The following DOCK2 variants were observed in gnomAD, a reference collection of about 807,000 sequenced individuals.
DOCK2 encodes dedicator of cytokinesis 2.
In DOCK2, 87 loss-of-function variants were observed where a neutral mutation model predicts 248.9. The ratio of observed to expected loss-of-function variants is 0.35; its 90% CI spans 0.29 to 0.42. DOCK2 has a LOEUF of 0.42. DOCK2 is among the 10% of genes least tolerant of loss of function. The pLI is 1.00. For synonymous variants in DOCK2, 805 were observed against 821.6 expected, an observed-to-expected ratio of 0.98 and a Z score of 0.35; for missense variants, 1,747 against 2,300.2, an observed-to-expected ratio of 0.76 and a Z score of 4.92.
intron 44 of DOCK2, among the ~76,000 whole-genome samples, chr5:170,064,603 A>T (rs79966850): frequency 0.011 from 1,634 of 152,246 alleles, 27 homozygotes; most frequent in African/African-American, 0.036. Flanking sequence ...GACTGGTATA[A>T]GAGAATTATG....
intron 25 of DOCK2, among the ~76,000 whole-genome samples, chr5:169,779,065 A>G (rs1332553455): frequency 2.6e-5 from 4 of 152,216 alleles, no homozygotes; most frequent in African/African-American, 9.6e-5. Context: ...GGAACTGTGT[A>G]CTTTTGACTC....
intron 25 of DOCK2, among the ~76,000 whole-genome samples, chr5:169,799,083 G>A (rs1766819789): frequency 6.6e-6 from 1 of 152,160 alleles, no homozygotes; most frequent in Non-Finnish European, 1.5e-5. Context: ...GGGACAACCT[G>A]CGCACTCTTA....
chr5:169,808,788 G>A (rs1391683992), intron 26 of DOCK2, among the ~76,000 whole-genome samples: 1 of 152,090 alleles, frequency 6.6e-6, no homozygotes, highest in East Asian at 1.9e-4. Context: ...AAGGAGAGTC[G>A]TTGTTTGCTA....
intron 27 of DOCK2, among the ~76,000 whole-genome samples, chr5:169,968,457 A>G (rs1777379638): frequency 6.6e-6 from 1 of 152,218 alleles, no homozygotes; most frequent in Non-Finnish European, 1.5e-5. Context: ...CAGTGGGGAC[A>G]GACACATGAG....
intron 22 of DOCK2, among the ~76,000 whole-genome samples, chr5:169,723,242 G>T (rs573513456): frequency 3.9e-5 from 6 of 152,266 alleles, no homozygotes; most frequent in Admixed American, 2.6e-4. Flanking sequence ...ATGAGAAACT[G>T]CCAGCTCAGA....
chr5:169,990,641 G>T lies in DOCK2; in HGVS notation c.2993+4719G>T, dbSNP rs146210942. 2.4e-3 allele frequency among the ~76,000 whole-genome samples: 364 copies of T among 152,304 alleles called. 2 individuals are homozygous for T. Among genetic ancestry groups the T allele is most frequent in the African/African-American group, 8.6e-3 (356 of 41,570 alleles). ...AAAGGAGGCACTGAAATGCTCTGTG[G>T]GAGAATAGGTATCCCAGCGGCTCAA... On this transcript the variant is annotated intron_variant, in intron 29 of 51. Coordinates refer to ENST00000520908, the MANE Select transcript of DOCK2 (RefSeq NM_004946.3).
intron 1 of DOCK2, among the ~76,000 whole-genome samples, chr5:169,649,373 A>G (rs912717473): frequency 1.3e-5 from 2 of 152,228 alleles, no homozygotes; most frequent in African/African-American, 4.8e-5. Context: ...TTTTGAAGCA[A>G]TCTTGATAAA....
intron 26 of DOCK2, among the ~76,000 whole-genome samples, chr5:169,811,696 T>G (rs1263877880): frequency 6.6e-6 from 1 of 152,144 alleles, no homozygotes; most frequent in Admixed American, 6.5e-5. Flanking sequence ...TACGACACAG[T>G]TGTTTGTTTC....
intron 27 of DOCK2, among the ~76,000 whole-genome samples, chr5:169,888,527 C>G (rs765869296): frequency 1.5e-4 from 23 of 152,210 alleles, no homozygotes; most frequent in African/African-American, 5.1e-4. Flanking sequence ...TCAGTAGATA[C>G]AGAAACATTG....
chr5:169,712,893 G>A (rs17736882), intron 17 of DOCK2, among the ~76,000 whole-genome samples: 24,949 of 152,214 alleles, frequency 0.16, 2,188 homozygotes, highest in South Asian at 0.24. Flanking sequence ...GTCCTCTTAT[G>A]ACAACAGAAT....
intron 26 of DOCK2, among the ~76,000 whole-genome samples, chr5:169,835,050 TG>T (rs367710999): frequency 1.9e-4 from 29 of 151,826 alleles, no homozygotes; most frequent in African/African-American, 2.4e-4. Context: ...TTTTTTTTGG[TG>T]GGGGGGTGGC....
chr5:169,747,165 G>A (rs1211947237), intron 22 of DOCK2, among the ~76,000 whole-genome samples: 2 of 152,066 alleles, frequency 1.3e-5, no homozygotes, highest in South Asian at 2.1e-4. Context: ...AAAAAAATAC[G>A]GCAGAAGGTG....
rs772435026 is a variant in DOCK2, at chr5:169,759,761, T to C, written c.2433T>C (p.Asp811=). 5 of 1,613,898 alleles carry C rather than the reference T, an allele frequency of 3.1e-6. No individual in the cohort carries two copies. The highest frequency in any genetic ancestry group is 1.3e-5 in the African/African-American group (1 of 74,920). The part of the protein sequence containing the change: ...SVLHDVEMVF[D]AKLLSQLLYE... ...TGCATGATGTAGAAATGGTCTTTGATGCGAAGTTACTCAGGTGAGAGCTCA... is the reference window on the plus strand; with the variant it reads ...TGCATGATGTAGAAATGGTCTTTGACGCGAAGTTACTCAGGTGAGAGCTCA... Residue 811 remains aspartate (D), a synonymous_variant, in exon 24 of 52, where the codon GAT becomes GAC. Coordinates refer to ENST00000520908, the MANE Select transcript of DOCK2 (RefSeq NM_004946.3).
At chr5:169,826,096 A>T (rs1056142709) in intron 26 of DOCK2, among the ~76,000 whole-genome samples, 1 of 152,144 alleles carries the variant, frequency 6.6e-6, no homozygotes, top group Non-Finnish European at 1.5e-5. Context: ...CCAACCATCC[A>T]TCCATCCCTC....
intron 26 of DOCK2, among the ~76,000 whole-genome samples, chr5:169,806,225 T>TG (rs201865440): frequency 0.012 from 1,752 of 151,262 alleles, 41 homozygotes; most frequent in African/African-American, 0.041. Context: ...GAGAGTTTTT[T>TG]TTTTTTTTTT....
At chr5:169,768,576 G>A (rs1406286147) in intron 25 of DOCK2, among the ~76,000 whole-genome samples, 1 of 152,160 alleles carries the variant, frequency 6.6e-6, no homozygotes, top group Non-Finnish European at 1.5e-5. Flanking sequence ...CCCTTGCCTG[G>A]GAGGGGGATG....
chr5:169,820,602 A>T (rs1210284540), intron 26 of DOCK2, among the ~76,000 whole-genome samples: 2 of 152,226 alleles, frequency 1.3e-5, no homozygotes, highest in Non-Finnish European at 1.5e-5. Flanking sequence ...GGACATCCAC[A>T]TCAAAACCCC....
At chr5:169,918,567 A>G (rs180874089) in intron 27 of DOCK2, among the ~76,000 whole-genome samples, 9 of 152,344 alleles carry the variant, frequency 5.9e-5, no homozygotes, top group Non-Finnish European at 5.9e-5. Context: ...CTGAGGGGAA[A>G]TAAATAATCT....
chr5:170,065,815 A>G (rs1175048156), intron 44 of DOCK2, among the ~76,000 whole-genome samples: 2 of 152,222 alleles, frequency 1.3e-5, no homozygotes, highest in Non-Finnish European at 2.9e-5. Context: ...TATGGGAGCT[A>G]CAAGATGAGA....
Sources: allele counts gnomAD v4.1 joint callset (sites outside exome capture counted in the v4.1 genomes callset), GRCh38; gene constraint gnomAD v4.1.1; transcripts MANE v1.5; gene names NCBI Gene and HGNC (gene_info 2026-07-23, HGNC 2026-07-21).